Variants in NSMAF observed in about 807,000 individuals in gnomAD.
NSMAF encodes neutral sphingomyelinase activation associated factor.
Under a neutral mutation model 134.9 loss-of-function variants are expected in NSMAF, and 90 were observed. The observed-to-expected ratio is 0.67, with a 90% confidence interval of 0.56 to 0.79. The LOEUF (loss-of-function observed/expected upper bound fraction) is 0.79, where lower values mean the gene tolerates loss of function less well. Among genes scored for constraint, NSMAF ranks in the 30% least tolerant of loss-of-function variants. The pLI is 0.00. For synonymous variants in NSMAF, 358 were observed against 389.6 expected, an observed-to-expected ratio of 0.92 and a Z score of 0.96; for missense variants, 1,010 against 1,119.0, an observed-to-expected ratio of 0.90 and a Z score of 1.39.
chr8:58,601,056 TTTAATA>T lies in NSMAF; in HGVS notation c.1280+223_1280+228del, dbSNP rs1271624069. The T allele has an allele frequency of 6.3e-5, 24 of 380,186 alleles. No individual in the cohort carries two copies. The East Asian group carries it at 8.1e-4, about 13-fold the overall frequency. The allele number at this position is 380,186 out of a possible 1,614,324, so 23.6% of individuals were successfully genotyped here. A position where few individuals can be genotyped will look rare whatever the true frequency, so the allele number is the denominator to read the frequency against. ...TAATAATATGGGAAAAACTTTAAGATTTAATATTAGGCTACAAAAGGTAGGACAAAA... is the reference window on the plus strand; with the variant it reads ...TAATAATATGGGAAAAACTTTAAGATTTAGGCTACAAAAGGTAGGACAAAA... On this transcript the variant is annotated intron_variant, in intron 16 of 30. Coordinates refer to ENST00000038176, the MANE Select transcript of NSMAF (RefSeq NM_003580.4).
At chr8:58,595,085 A>G (rs1029103623) in intron 22 of NSMAF, among the ~76,000 whole-genome samples, 1 of 152,170 alleles carries the variant, frequency 6.6e-6, no homozygotes, top group African/African-American at 2.4e-5. Flanking sequence ...TGGGTCCAAC[A>G]GCAAGCCCAA....
At position 58,590,926 on chromosome 8, in the gene NSMAF, A is replaced by G. The variant is rs201309757; in HGVS notation, c.1960T>C (p.Leu654=). 7.6e-6 allele frequency: 12 copies of G among 1,571,228 alleles called. No individual in the cohort carries two copies. Among genetic ancestry groups the G allele is most frequent in the Non-Finnish European group, 1.0e-5 (12 of 1,148,564 alleles). ...TTTGATTCTTTAGAAAACATCTTCA[A>G]GGTGGAATCTAATTTAATAATGAGA... ...SVFTTSQDST[L]KMFSKESKML... Residue 654 remains leucine, a synonymous_variant, in exon 24 of 31, where the codon TTG becomes CTG. Transcript: ENST00000038176.
At chr8:58,652,836 G>A (rs1459300221) in intron 1 of NSMAF, among the ~76,000 whole-genome samples, 1 of 152,250 alleles carries the variant, frequency 6.6e-6, no homozygotes, top group Admixed American at 6.5e-5. Context: ...TGTTCAGACA[G>A]ACAAAAACAG....
At position 58,649,412 on chromosome 8, in the gene NSMAF, A is replaced by G. The variant is rs562029832; in HGVS notation, c.60-6339T>C. 5.3e-5 allele frequency among the ~76,000 whole-genome samples: 8 copies of G among 152,332 alleles called. No homozygotes were observed. The East Asian group carries it at 1.2e-3, about 22-fold the overall frequency. ...AGGACTTTGGACTTGATGTTGAAAT[A>G]AGTTAACACTTTGGGGGACTATTGG... On this transcript the variant is annotated intron_variant, in intron 1 of 30. Coordinates refer to ENST00000038176, the MANE Select transcript of NSMAF (RefSeq NM_003580.4).
chr8:58,602,969 T>G (rs753555199), intron 13 of NSMAF, among the ~76,000 whole-genome samples: 3 of 152,180 alleles, frequency 2.0e-5, no homozygotes, highest in Non-Finnish European at 4.4e-5. Flanking sequence ...ATCATGCCCA[T>G]TTTTTCTGTG....
At chr8:58,637,248 G>A in intron 2 of NSMAF, 1 of 447,544 alleles carries the variant, frequency 2.2e-6, no homozygotes, top group Non-Finnish European at 4.5e-6. Context: ...CAGTATGACA[G>A]GATGTCCCAG....
rs79697297 is a variant in NSMAF at position 58,625,614 on chromosome 8, G to C, written c.385-1834C>G. ...ATAAGTATGGCTAGCTCTGTTGTTT[G>C]ATTACCAAGCATGGAATATTTTTTC... On this transcript the variant is annotated intron_variant, in intron 6 of 30. Coordinates refer to ENST00000038176, the MANE Select transcript of NSMAF (RefSeq NM_003580.4). 3.4e-3 allele frequency among the ~76,000 whole-genome samples: 515 copies of C among 152,206 alleles called. 1 individual carries two copies. The highest frequency in any genetic ancestry group is 0.012 in the African/African-American group (497 of 41,522).
At position 58,599,275 on chromosome 8, in the gene NSMAF, A is replaced by G; in HGVS notation, c.1542T>C (p.Phe514=). Residue 514 remains phenylalanine, a synonymous_variant, in exon 19 of 31, where the codon TTT becomes TTC. Coordinates refer to ENST00000038176, the MANE Select transcript of NSMAF (RefSeq NM_003580.4). ...EHLHEWIDLI[F]GYKQKGSDAV... ...CATCACTCCCTTTTTGTTTGTAGCC[A>G]AATATTAGATCAATCCACTCGTGAA... The G allele has an allele frequency of 6.2e-7, 1 of 1,613,970 alleles. No homozygotes were observed. Among genetic ancestry groups the G allele is most frequent in the Non-Finnish European group, 8.5e-7 (1 of 1,179,888 alleles).
intron 1 of NSMAF, among the ~76,000 whole-genome samples, chr8:58,648,787 G>A (rs1807516554): frequency 6.6e-6 from 1 of 152,242 alleles, no homozygotes; most frequent in African/African-American, 2.4e-5. Flanking sequence ...CAGAATGCAA[G>A]CATGAAGGAG....
chr8:58,614,855 T>A (rs1047475837), intron 9 of NSMAF, among the ~76,000 whole-genome samples: 2 of 152,154 alleles, frequency 1.3e-5, no homozygotes, highest in African/African-American at 2.4e-5. Context: ...AGCTAGTGTA[T>A]AATTATATAA....
intron 24 of NSMAF, 23 bp downstream of exon 24, chr8:58,590,844 T>C (rs1457396201): frequency 1.9e-6 from 3 of 1,544,210 alleles, no homozygotes; most frequent in Non-Finnish European, 2.7e-6. Flanking sequence ...ATTTCTATCA[T>C]AATACTATTA....
chr8:58,584,785 T>C (rs1471458984), intron 30 of NSMAF, among the ~76,000 whole-genome samples: 2 of 152,166 alleles, frequency 1.3e-5, no homozygotes, highest in Non-Finnish European at 2.9e-5. Flanking sequence ...CACAGGCGTG[T>C]GTCACCACAC....
rs895238827 is a variant in NSMAF at position 58,645,250 on chromosome 8, A to C, written c.60-2177T>G. On this transcript the variant is annotated intron_variant, in intron 1 of 30. Transcript: ENST00000038176. The stretch of plus-strand genomic sequence containing the variant: ...TGGGTTAACCATACTGCACTCTGGC[A>C]TGTGGTTTTTCTATTTAAAAAAAAG... 3.4e-5 allele frequency among the ~76,000 whole-genome samples: 5 copies of C among 147,700 alleles called. No homozygotes were observed. In the South Asian group the frequency reaches 1.1e-3, roughly 32 times the overall value.
At chr8:58,610,191 C>T (rs6991479) in intron 9 of NSMAF, among the ~76,000 whole-genome samples, 19,773 of 152,104 alleles carry the variant, frequency 0.13, 3,124 homozygotes, top group African/African-American at 0.37. Flanking sequence ...ATTTGAGTAA[C>T]TGTATATTCC....
rs75264318 is a variant in NSMAF at position 58,601,967 on chromosome 8, T to C, written c.1125+91A>G. On this transcript the variant is annotated intron_variant, in intron 14 of 30. Transcript: ENST00000038176. The stretch of plus-strand genomic sequence containing the variant: ...CGTAGAGTCACTGGTATAATTCCCC[T>C]AAGCCTTGGAGAAACGAATTTCCTT... 122 of 990,386 alleles carry C rather than the reference T, an allele frequency of 1.2e-4. No individual in the cohort carries two copies. The African/African-American group carries it at 1.7e-3, about 14-fold the overall frequency. 61.3% of individuals were successfully genotyped at this position (990,386 alleles called of 1,614,324 possible).
chr8:58,600,138 C>A (rs974866628), intron 16 of NSMAF, 117 bp from the exon 17 acceptor site: 5 of 731,262 alleles, frequency 6.8e-6, no homozygotes, highest in Middle Eastern at 3.9e-4. Flanking sequence ...TTTGTCATTT[C>A]CACATAGTTC....
intron 11 of NSMAF, among the ~76,000 whole-genome samples, chr8:58,607,128 G>C (rs993442556): frequency 6.6e-6 from 1 of 152,158 alleles, no homozygotes; most frequent in Admixed American, 6.5e-5. Context: ...CCAAGTTACT[G>C]GTTAATCTTC....
chr8:58,617,377 T>G (rs1806683704), intron 9 of NSMAF, among the ~76,000 whole-genome samples: 1 of 152,070 alleles, frequency 6.6e-6, no homozygotes, highest in Admixed American at 6.5e-5. Flanking sequence ...ACAGGCAACC[T>G]ACAGAATGGG....
At chr8:58,640,001 G>T in intron 2 of NSMAF, 1 of 448,964 alleles carries the variant, frequency 2.2e-6, no homozygotes, top group Non-Finnish European at 4.5e-6. Context: ...TCAGAGCTTT[G>T]TTCAGGCAAG....
Sources: gnomAD v4.1 joint callset for allele counts (sites outside exome capture counted in the v4.1 genomes callset) on GRCh38, gnomAD v4.1.1 for gene constraint, MANE v1.5 for transcripts, NCBI Gene and HGNC (gene_info 2026-07-23, HGNC 2026-07-21) for gene names.